The following OR9Q2 variants were observed in gnomAD, a reference collection of about 807,000 sequenced individuals.
The protein encoded by OR9Q2 is olfactory receptor 9Q2.
A neutral mutation model predicts 2.3 loss-of-function variants in OR9Q2; 2 were observed. The observed-to-expected ratio is 0.85, with a 90% CI of 0.35 to 2.68. OR9Q2 has a LOEUF of 2.68. Among genes scored for constraint, OR9Q2 ranks in the 30% most tolerant of loss-of-function variants. OR9Q2 has a pLI of 0.10. For missense variants in OR9Q2, 404 were observed against 395.7 expected (o/e 1.02, Z -0.18); for synonymous variants, 178 against 158.6 (o/e 1.12, Z -0.92).
In OR9Q2 at chr11:58,189,110, T is replaced by C. The variant is rs1467077536; in HGVS notation, c.-173+2T>C. On this transcript the variant is annotated splice_donor_variant, in intron 1 of 1. Coordinates refer to ENST00000641291, the MANE Select transcript of OR9Q2 (RefSeq NM_001005283.3). LOFTEE classifies it low-confidence loss of function (5UTR_SPLICE). ...GTCCCCTAGTCTTGTTATCTCAAAGTAAGTCTAGAAAAATCTAAGGAAACA... is the reference window on the plus strand; with the variant it reads ...GTCCCCTAGTCTTGTTATCTCAAAGCAAGTCTAGAAAAATCTAAGGAAACA... 6.6e-6 allele frequency: 1 copy of C among 152,068 alleles called. No individual in the cohort carries two copies. Among genetic ancestry groups the C allele is most frequent in the Non-Finnish European group, 1.5e-5 (1 of 68,020 alleles). 9.4% of individuals were successfully genotyped at this position (152,068 alleles called of 1,614,324 possible). A position where few individuals can be genotyped will look rare whatever the true frequency, so the allele number is the denominator to read the frequency against.
Position 58,190,962 on chromosome 11 carries a change from G to A in OR9Q2, c.472G>A (p.Val158Ile). 6.2e-7 allele frequency: 1 copy of A among 1,614,200 alleles called. No homozygotes were observed. ...AYVAGFFSAF[V>I]RTVTAFTLSF... ...CGTTGCTGGTTTTTTCAGTGCCTTTGTTCGAACGGTCACAGCCTTCACTCT... is the reference window on the plus strand; with the variant it reads ...CGTTGCTGGTTTTTTCAGTGCCTTTATTCGAACGGTCACAGCCTTCACTCT... The change falls in exon 2 of 2, where the codon GTT becomes ATT. Residue 158 changes from valine (V) to isoleucine (I), a missense_variant. By Grantham distance (29) the Val-to-Ile change is conservative. Transcript: ENST00000641291.
At position 58,191,417 on chromosome 11, in the gene OR9Q2, G is replaced by A. The variant is rs780450564; in HGVS notation, c.927G>A (p.Lys309=). The change falls in exon 2 of 2, where the codon AAG becomes AAA. Residue 309 remains lysine, a synonymous_variant. Transcript: ENST00000641291. ...CTAGGAAAGCCCTGAGCAAATCAAA[G>A]CCTGCTAGAAGACCCTAAATGGACC... ...EATRKALSKS[K]PARRP 1.9e-6 allele frequency: 3 copies of A among 1,601,698 alleles called. No individual in the cohort carries two copies. In the African/African-American group the frequency reaches 4.0e-5, roughly 22 times the overall value.
At position 58,191,163 on chromosome 11, in the gene OR9Q2, A is replaced by T. The variant is rs748639607; in HGVS notation, c.673A>T (p.Ile225Phe). The change falls in exon 2 of 2, where the codon ATC becomes TTC. Residue 225 changes from isoleucine (I) to phenylalanine (F), a missense_variant. Physicochemically the swap from Ile to Phe is conservative, Grantham distance 21. Transcript: ENST00000641291. ...LVSYLFIIVA[I>F]LQIHSAGGRA... ...ATCCTACCTGTTTATCATTGTGGCC[A>T]TCCTGCAGATCCACTCTGCTGGAGG... 6.2e-6 allele frequency: 10 copies of T among 1,614,016 alleles called. No homozygotes were observed. In the South Asian group the frequency reaches 1.1e-4, roughly 18 times the overall value.
At position 58,191,414 on chromosome 11, in the gene OR9Q2, A is replaced by G. The variant is rs758754804; in HGVS notation, c.924A>G (p.Ser308=). Residue 308 remains serine, a synonymous_variant, in exon 2 of 2, where the codon TCA becomes TCG. Coordinates refer to ENST00000641291, the MANE Select transcript of OR9Q2 (RefSeq NM_001005283.3). ...CCACTAGGAAAGCCCTGAGCAAATCAAAGCCTGCTAGAAGACCCTAAATGG... is the reference window on the plus strand; with the variant it reads ...CCACTAGGAAAGCCCTGAGCAAATCGAAGCCTGCTAGAAGACCCTAAATGG... ...KEATRKALSK[S]KPARRP is the part of the protein sequence containing the mutation. 2 of 1,602,622 alleles carry G rather than the reference A, an allele frequency of 1.2e-6. No homozygotes were observed. The highest frequency in any genetic ancestry group is 1.7e-6 in the Non-Finnish European group (2 of 1,174,198).
Position 58,192,059 on chromosome 11 carries a change from A to G in OR9Q2, c.*624A>G, listed in dbSNP as rs1854770255. ...ATTTTCCAAATTTTGTCATTTATTCATTTATTCTTTCTTTTTTTATCTTCT... is the reference window on the plus strand; with the variant it reads ...ATTTTCCAAATTTTGTCATTTATTCGTTTATTCTTTCTTTTTTTATCTTCT... On this transcript the variant is annotated 3_prime_UTR_variant, in exon 2 of 2. Coordinates refer to ENST00000641291, the MANE Select transcript of OR9Q2 (RefSeq NM_001005283.3). The G allele has an allele frequency of 6.6e-6, 1 of 151,548 alleles. No homozygotes were observed. Among genetic ancestry groups the G allele is most frequent in the Non-Finnish European group, 1.5e-5 (1 of 67,904 alleles). The allele number at this position is 151,548 out of a possible 1,614,324, so 9.4% of individuals were successfully genotyped here.
Position 58,190,502 on chromosome 11 carries a change from G to A in OR9Q2, c.12G>A (p.Arg4=), listed in dbSNP as rs1320482148. The change falls in exon 2 of 2, where the codon AGG becomes AGA. Residue 4 remains arginine, a synonymous_variant. Coordinates refer to ENST00000641291, the MANE Select transcript of OR9Q2 (RefSeq NM_001005283.3). ...GAACCACTGGATGGATGGCTGAAAGGAATTACACCGTAGTGACGGAGTTCT... is the reference window on the plus strand; with the variant it reads ...GAACCACTGGATGGATGGCTGAAAGAAATTACACCGTAGTGACGGAGTTCT... MAE[R]NYTVVTEFFL... The A allele has an allele frequency of 1.2e-6, 2 of 1,612,994 alleles. No homozygotes were observed. The highest frequency in any genetic ancestry group is 1.7e-6 in the Non-Finnish European group (2 of 1,179,250).
chr11:58,191,257 T>G lies in OR9Q2; in HGVS notation c.767T>G (p.Ile256Ser). 6.2e-7 allele frequency: 1 copy of G among 1,614,082 alleles called. No individual in the cohort carries two copies. The highest frequency in any genetic ancestry group is 1.1e-5 in the South Asian group (1 of 91,066). ...GTCGCTCTTTTCTTTGGCACCCTCATCTTCATGTACCTGCGAGACAACACA... is the reference window on the plus strand; with the variant it reads ...GTCGCTCTTTTCTTTGGCACCCTCAGCTTCATGTACCTGCGAGACAACACA... ...TAVALFFGTLIFMYLRDNTGQ... is the reference protein window; with the variant it reads ...TAVALFFGTLSFMYLRDNTGQ... Residue 256 changes from isoleucine (I) to serine (S), a missense_variant, in exon 2 of 2, where the codon ATC (isoleucine) becomes AGC (serine). Physicochemically the swap from Ile to Ser is moderately radical, Grantham distance 142. Coordinates refer to ENST00000641291, the MANE Select transcript of OR9Q2 (RefSeq NM_001005283.3).
intron 1 of OR9Q2, among the ~76,000 whole-genome samples, chr11:58,189,606 T>G (rs1224080946): frequency 6.6e-6 from 1 of 152,136 alleles, no homozygotes; most frequent in Non-Finnish European, 1.5e-5. Flanking sequence ...AGAACTCCAC[T>G]AAGGACCCCC....
rs772423414 is a variant in OR9Q2 at position 58,190,484 on chromosome 11, T to C, written c.-7T>C. The C allele has an allele frequency of 5.0e-6, 8 of 1,605,580 alleles. No individual in the cohort carries two copies. The South Asian group carries it at 5.5e-5, about 11-fold the overall frequency. On this transcript the variant is annotated 5_prime_UTR_variant, in exon 2 of 2. Coordinates refer to ENST00000641291, the MANE Select transcript of OR9Q2 (RefSeq NM_001005283.3). Reference sequence around the variant, plus strand: ...GTCTTAGCCGTTGCAGGTGAACCACTGGATGGATGGCTGAAAGGAATTACA... The same window carrying C: ...GTCTTAGCCGTTGCAGGTGAACCACCGGATGGATGGCTGAAAGGAATTACA...
rs1331057112 is a variant in OR9Q2, at chr11:58,191,011, T to C, written c.521T>C (p.Ile174Thr). 3 of 1,614,094 alleles carry C rather than the reference T, an allele frequency of 1.9e-6. No individual in the cohort carries two copies. The highest frequency in any genetic ancestry group is 2.7e-5 in the African/African-American group (2 of 74,936). Residue 174 changes from isoleucine to threonine, a missense_variant, in exon 2 of 2, where the codon ATC becomes ACC. Coordinates refer to ENST00000641291, the MANE Select transcript of OR9Q2 (RefSeq NM_001005283.3). ...CTCTCCTTTTGTGGAAACAATGAGA[T>C]CAACTTCATTTTCTGTGACCTCCCT... is the stretch of plus-strand genomic sequence containing the variant. Reference protein sequence around the residue: ...FTLSFCGNNEINFIFCDLPPL... With the variant: ...FTLSFCGNNETNFIFCDLPPL...
In OR9Q2 at chr11:58,190,936, A is replaced by C; in HGVS notation, c.446A>C (p.Tyr149Ser). Residue 149 changes from tyrosine (Y) to serine (S), a missense_variant, in exon 2 of 2, where the codon TAC (tyrosine) becomes TCC (serine). Transcript: ENST00000641291. ...KARWGLVTGA[Y>S]VAGFFSAFVR... ...CGCTGGGGCCTAGTCACTGGGGCTT[A>C]CGTTGCTGGTTTTTTCAGTGCCTTT... 1 of 1,614,180 alleles carries C rather than the reference A, an allele frequency of 6.2e-7. No individual in the cohort carries two copies. The highest frequency in any genetic ancestry group is 8.5e-7 in the Non-Finnish European group (1 of 1,180,030).
At position 58,191,325 on chromosome 11, in the gene OR9Q2, A is replaced by T. The variant is rs1254469996; in HGVS notation, c.835A>T (p.Thr279Ser). 1.2e-6 allele frequency: 2 copies of T among 1,614,084 alleles called. No individual in the cohort carries two copies. Among genetic ancestry groups the T allele is most frequent in the Non-Finnish European group, 1.7e-6 (2 of 1,179,992 alleles). The stretch of plus-strand genomic sequence containing the variant: ...AGACCGAGTGGTGTCTGTGCTCTAC[A>T]CGGTGGTGACCCCAATGCTGAATCC... Reference protein sequence around the residue: ...EGDRVVSVLYTVVTPMLNPLI... With the variant: ...EGDRVVSVLYSVVTPMLNPLI... The change falls in exon 2 of 2, where the codon ACG becomes TCG. Residue 279 changes from threonine (T) to serine (S), a missense_variant. Transcript: ENST00000641291.
rs942973468 is a variant in OR9Q2, at chr11:58,192,268, T to C, written c.*833T>C. On this transcript the variant is annotated 3_prime_UTR_variant, in exon 2 of 2. Transcript: ENST00000641291. ...GTAGGTTCTATTATTATCTCTGCTT[T>C]ATAGGTAGGTGAGGCACTTGAGGCT... The C allele has an allele frequency of 2.0e-5, 3 of 152,216 alleles. No homozygotes were observed. The Middle Eastern group carries it at 0.01, about 514-fold the overall frequency. 9.4% of individuals were successfully genotyped at this position (152,216 alleles called of 1,614,324 possible).
rs947104954 is a variant in OR9Q2, at chr11:58,192,291, G to A, written c.*856G>A. ...TTTATAGGTAGGTGAGGCACTTGAG[G>A]CTTAGAGATGTTGAGTAATATTCTC... On this transcript the variant is annotated 3_prime_UTR_variant, in exon 2 of 2. Coordinates refer to ENST00000641291, the MANE Select transcript of OR9Q2 (RefSeq NM_001005283.3). 1 of 152,186 alleles carries A rather than the reference G, an allele frequency of 6.6e-6. No homozygotes were observed. 9.4% of individuals were successfully genotyped at this position (152,186 alleles called of 1,614,324 possible).
Position 58,192,893 on chromosome 11 carries a change from G to A in OR9Q2, c.*1458G>A, listed in dbSNP as rs1854778159. The A allele has an allele frequency of 6.6e-6, 1 of 152,150 alleles. No homozygotes were observed. The highest frequency in any genetic ancestry group is 1.5e-5 in the Non-Finnish European group (1 of 68,032). 9.4% of individuals were successfully genotyped at this position (152,150 alleles called of 1,614,324 possible). A position where few individuals can be genotyped will look rare whatever the true frequency, so the allele number is the denominator to read the frequency against. On this transcript the variant is annotated 3_prime_UTR_variant, in exon 2 of 2. Coordinates refer to ENST00000641291, the MANE Select transcript of OR9Q2 (RefSeq NM_001005283.3). ...TTTTCAGAGCACACCAACATCTGTG[G>A]TGGGTGTTAGACATATTTGTGTTGT...
Position 58,193,186 on chromosome 11 carries a change from C to T in OR9Q2, c.*1751C>T, listed in dbSNP as rs929821883. ...AATTCATGTTAGTATGGTGCTTGTC[C>T]AGGCTCCACAGCCTAGTGAGTAGTG... On this transcript the variant is annotated 3_prime_UTR_variant, in exon 2 of 2. Transcript: ENST00000641291. 6.6e-6 allele frequency: 1 copy of T among 152,020 alleles called. No individual in the cohort carries two copies. Among genetic ancestry groups the T allele is most frequent in the African/African-American group, 2.4e-5 (1 of 41,364 alleles). The allele number at this position is 152,020 out of a possible 1,614,324, so 9.4% of individuals were successfully genotyped here.
Position 58,190,895 on chromosome 11 carries a change from C to CA in OR9Q2, c.406dup (p.Ile136AsnfsTer38), listed in dbSNP as rs771942816. On this transcript the variant is annotated frameshift_variant, in exon 2 of 2. Coordinates refer to ENST00000641291, the MANE Select transcript of OR9Q2 (RefSeq NM_001005283.3). LOFTEE classifies it high-confidence loss of function. ...GCCAGCCCCTGCTTTATGTCACCATCATAACCGAGAAGGCCCGCTGGGGCC... is the reference window on the plus strand; with the variant it reads ...GCCAGCCCCTGCTTTATGTCACCATCAATAACCGAGAAGGCCCGCTGGGGCC... 2 of 1,614,250 alleles carry CA rather than the reference C, an allele frequency of 1.2e-6. No individual in the cohort carries two copies. Among genetic ancestry groups the CA allele is most frequent in the South Asian group, 2.2e-5 (2 of 91,086 alleles).
rs768600506 is a variant in OR9Q2, at chr11:58,191,328, G to A, written c.838G>A (p.Val280Met). 26 of 1,614,122 alleles carry A rather than the reference G, an allele frequency of 1.6e-5. No individual in the cohort carries two copies. Among genetic ancestry groups the A allele is most frequent in the Non-Finnish European group, 2.0e-5 (24 of 1,180,024 alleles). Residue 280 changes from valine to methionine, a missense_variant, in exon 2 of 2, where the codon GTG (valine) becomes ATG (methionine). Coordinates refer to ENST00000641291, the MANE Select transcript of OR9Q2 (RefSeq NM_001005283.3). ...GDRVVSVLYT[V>M]VTPMLNPLIY... is the part of the protein sequence containing the mutation. ...CCGAGTGGTGTCTGTGCTCTACACG[G>A]TGGTGACCCCAATGCTGAATCCCCT...
chr11:58,191,019 A>G lies in OR9Q2; in HGVS notation c.529A>G (p.Ile177Val). Residue 177 changes from isoleucine (I) to valine (V), a missense_variant, in exon 2 of 2, where the codon ATT becomes GTT. Ile to Val is a conservative substitution (Grantham distance 29). Transcript: ENST00000641291. The stretch of plus-strand genomic sequence containing the variant: ...TTGTGGAAACAATGAGATCAACTTC[A>G]TTTTCTGTGACCTCCCTCCTCTATT... ...SFCGNNEINFIFCDLPPLLKL... is the reference protein window; with the variant it reads ...SFCGNNEINFVFCDLPPLLKL... 6.2e-7 allele frequency: 1 copy of G among 1,613,788 alleles called. No individual in the cohort carries two copies. Among genetic ancestry groups the G allele is most frequent in the Non-Finnish European group, 8.5e-7 (1 of 1,179,940 alleles).
Sources: allele counts gnomAD v4.1 joint callset (sites outside exome capture counted in the v4.1 genomes callset), GRCh38; gene constraint gnomAD v4.1.1; transcripts MANE v1.5; gene names NCBI Gene and HGNC (gene_info 2026-07-23, HGNC 2026-07-21).